The following RGPD1 variants were observed in gnomAD, a reference collection of about 807,000 sequenced individuals.
The protein encoded by RGPD1 is RANBP2-like and GRIP domain-containing protein 1.
RGPD1 carries 7 observed loss-of-function variants against 40.6 expected under a neutral mutation model. The ratio of observed to expected loss-of-function variants is 0.17; its 90% CI spans 0.10 to 0.32. The LOEUF is 0.32. Ranked by LOEUF, RGPD1 falls within the 10% of genes least tolerant of loss-of-function variation. The pLI, the probability that RGPD1 is intolerant of heterozygous loss-of-function variation, is 1.00. For missense variants in RGPD1, 50 were observed against 472.5 expected (o/e 0.11, Z 8.29); for synonymous variants, 24 against 167.0 (o/e 0.14, Z 6.60).
chr2:86,913,960 C>G, intron 1 of RGPD1: 1 of 1,240,940 alleles, frequency 8.1e-7, no homozygotes, highest in Non-Finnish European at 1.1e-6. Flanking sequence ...CTCGACCTGG[C>G]GGGGCGGTGG....
intron 1 of RGPD1, among the ~76,000 whole-genome samples, chr2:86,928,482 A>T (rs1678668207): frequency 6.6e-6 from 1 of 152,086 alleles, no homozygotes; most frequent in Admixed American, 6.5e-5. Context: ...TCTATGGTAT[A>T]TGGTAAATGA....
upstream of RGPD1, among the ~76,000 whole-genome samples, chr2:86,941,156 A>G (rs1211403450): frequency 1.3e-5 from 2 of 152,228 alleles, no homozygotes; most frequent in African/African-American, 2.4e-5. Context: ...TTAAGACTGT[A>G]ATGTTTACAC....
At chr2:86,941,510 G>T (rs1048778290), upstream of RGPD1, among the ~76,000 whole-genome samples, 22 of 148,320 alleles carry the variant, frequency 1.5e-4, no homozygotes, top group African/African-American at 5.5e-4. Flanking sequence ...CTCCCAAAGT[G>T]CTGGGGCTAC....
At chr2:86,927,249 T>C (rs1678578490) in intron 1 of RGPD1, among the ~76,000 whole-genome samples, 1 of 149,916 alleles carries the variant, frequency 6.7e-6, no homozygotes, top group South Asian at 2.2e-4. Context: ...TTCTGATTCC[T>C]GAATCCACTA....
intron 1 of RGPD1, among the ~76,000 whole-genome samples, chr2:86,918,182 C>T (rs911690999): frequency 6.6e-6 from 1 of 151,110 alleles, no homozygotes; most frequent in Admixed American, 6.6e-5. Context: ...ACCATCTACT[C>T]TGTACTTATA....
At position 86,913,904 on chromosome 2, in the gene RGPD1, G is replaced by A. The variant is rs758068458; in HGVS notation, c.55G>A (p.Ala19Thr). The change falls in exon 1 of 23, where the codon GCC becomes ACC. Residue 19 changes from alanine (A) to threonine (T), a missense_variant. By Grantham distance (58) the Ala-to-Thr change is moderately conservative. Coordinates refer to the RGPD1 transcript ENST00000398193. ...GTACCTCGCCTCGGTGCAGGGCTCC[G>A]CCCCGTCGCCTGGAAAGGTGAGTGG... 35 of 1,557,674 alleles carry A rather than the reference G, an allele frequency of 2.2e-5. 1 individual carries two copies. The highest frequency in any genetic ancestry group is 3.0e-5 in the Non-Finnish European group (34 of 1,151,614).
chr2:86,932,011 TAGAC>T (rs1331096359), intron 1 of RGPD1, among the ~76,000 whole-genome samples: 1 of 148,236 alleles, frequency 6.7e-6, no homozygotes, highest in Non-Finnish European at 1.5e-5. Context: ...CTATAACATA[TAGAC>T]AGAGAAGATA....
intron 1 of RGPD1, chr2:86,913,942 C>T (rs1481369380): frequency 1.5e-6 from 2 of 1,296,644 alleles, no homozygotes; most frequent in East Asian, 3.4e-5. Flanking sequence ...CTCGAAGAGA[C>T]CGACGGCCTC....
Position 86,933,425 on chromosome 2 carries a change from G to T in RGPD1, c.73-17871G>T, listed in dbSNP as rs551366600. ...ACTGGTATGACAACTGAATGCAATTGAAATTATGATATAAAATTTCTATTC... is the reference window on the plus strand; with the variant it reads ...ACTGGTATGACAACTGAATGCAATTTAAATTATGATATAAAATTTCTATTC... On this transcript the variant is annotated intron_variant, in intron 1 of 22. Coordinates refer to the RGPD1 transcript ENST00000398193. 2.4e-4 allele frequency among the ~76,000 whole-genome samples: 36 copies of T among 149,830 alleles called. 6 individuals carry two copies. The highest frequency in any genetic ancestry group is 2.0e-4 in the Admixed American group (3 of 14,936).
At chr2:86,930,636 C>A in intron 1 of RGPD1, 4 of 1,611,572 alleles carry the variant, frequency 2.5e-6, no homozygotes, top group Non-Finnish European at 3.4e-6. Flanking sequence ...GCAGTGAACA[C>A]TCTCACAGAG....
intron 1 of RGPD1, among the ~76,000 whole-genome samples, chr2:86,942,644 C>T (rs1010650791): frequency 1.4e-5 from 2 of 138,746 alleles, no homozygotes; most frequent in African/African-American, 5.3e-5. Flanking sequence ...GAGGCGCCGG[C>T]CTCGACCTGG....
intron 1 of RGPD1, among the ~76,000 whole-genome samples, chr2:86,926,838 C>G (rs1401515078): frequency 6.6e-6 from 1 of 151,842 alleles, no homozygotes; most frequent in Non-Finnish European, 1.5e-5. Flanking sequence ...TTCAGTCTTG[C>G]AATATTATTT....
chr2:86,938,531 A>G (rs1266864578), upstream of RGPD1, among the ~76,000 whole-genome samples: 1 of 150,662 alleles, frequency 6.6e-6, no homozygotes, highest in Non-Finnish European at 1.5e-5. Flanking sequence ...AGGCATGGGC[A>G]ACGCCTAGAC....
rs1423451112 is a variant in RGPD1 at position 86,925,863 on chromosome 2, C to T, written c.72+11942C>T. 2.6e-5 allele frequency among the ~76,000 whole-genome samples: 4 copies of T among 152,128 alleles called. 1 individual carries two copies. The highest frequency in any genetic ancestry group is 9.7e-5 in the African/African-American group (4 of 41,422). On this transcript the variant is annotated intron_variant, in intron 1 of 22. Transcript: ENST00000398193. ...GGGATTACAGGCGTGAGCCACCACG[C>T]CTGGCCTTGTACATGTTATATAGTG...
At position 87,013,439 on chromosome 2, in the gene RGPD1, G is replaced by C. The variant is rs1390461147; in HGVS notation, c.*892G>C. ...AGTGGAATCAGACAGGGGGGTTACA[G>C]GAAATATTCAAGTAAACAATATAAA... On this transcript the variant is annotated 3_prime_UTR_variant, in exon 23 of 23. Coordinates refer to ENST00000641458, the MANE Select transcript of RGPD1 (RefSeq NM_001382344.1). 1.3e-5 allele frequency: 2 copies of C among 151,888 alleles called. No homozygotes were observed. Among genetic ancestry groups the C allele is most frequent in the Non-Finnish European group, 2.5e-5 (2 of 79,178 alleles). 9.4% of individuals were successfully genotyped at this position (151,888 alleles called of 1,614,324 possible).
intron 1 of RGPD1, among the ~76,000 whole-genome samples, chr2:86,928,856 G>A (rs947269097): frequency 6.6e-6 from 1 of 151,980 alleles, no homozygotes; most frequent in African/African-American, 2.4e-5. Context: ...TGTGTCAAGA[G>A]GTATGGAGAA....
intron 1 of RGPD1, among the ~76,000 whole-genome samples, chr2:86,947,689 T>C (rs954671650): frequency 7.1e-6 from 1 of 140,338 alleles, no homozygotes; most frequent in Admixed American, 7.0e-5. Flanking sequence ...TTGTTTGTTC[T>C]GCCTTTTGAG....
At chr2:86,988,441 C>CAAAAAAAAA (rs1174110236) in intron 20 of RGPD1, among the ~76,000 whole-genome samples, 12 of 33,196 alleles carry the variant, frequency 3.6e-4, no homozygotes, top group East Asian at 1.3e-3. Flanking sequence ...ACTTTGTCTC[C>CAAAAAAAAA]AAAAAAAAAA....
Position 86,913,956 on chromosome 2 carries a change from C to G in RGPD1, c.72+35C>G, listed in dbSNP as rs756696481. 7 of 1,278,286 alleles carry G rather than the reference C, an allele frequency of 5.5e-6. No homozygotes were observed. In the African/African-American group the frequency reaches 1.1e-4, roughly 20 times the overall value. 79.2% of individuals were successfully genotyped at this position (1,278,286 alleles called of 1,614,324 possible). On this transcript the variant is annotated intron_variant, in intron 1 of 22. Transcript: ENST00000398193. Reference sequence around the variant, plus strand: ...TCTCGAAGAGACCGACGGCCTCGACCTGGCGGGGCGGTGGCCTCGACCTGG... The same window carrying G: ...TCTCGAAGAGACCGACGGCCTCGACGTGGCGGGGCGGTGGCCTCGACCTGG...
Sources: allele counts gnomAD v4.1 joint callset (sites outside exome capture counted in the v4.1 genomes callset), GRCh38; gene constraint gnomAD v4.1.1; transcripts MANE v1.5; gene names NCBI Gene and HGNC (gene_info 2026-07-23, HGNC 2026-07-21).